Variants in FSHR observed in about 807,000 individuals in gnomAD.
The protein encoded by FSHR is follicle stimulating hormone receptor.
In FSHR, 46 loss-of-function variants were observed where a neutral mutation model predicts 52.1. The ratio of observed to expected loss-of-function variants is 0.88; its 90% CI spans 0.70 to 1.13. The LOEUF (loss-of-function observed/expected upper bound fraction) is 1.13. Among genes scored for constraint, FSHR ranks in the 50% most tolerant of loss-of-function variants. FSHR has a pLI of 0.00. For missense variants in FSHR, 964 were observed against 834.6 expected (o/e 1.16, Z -1.91); for synonymous variants, 399 against 309.6 (o/e 1.29, Z -3.03).
chr2:49,144,274 G>A (rs1504181), intron 1 of FSHR, among the ~76,000 whole-genome samples: 42,127 of 151,968 alleles, frequency 0.28, 6,149 homozygotes, highest in East Asian at 0.47. Context: ...TTTGGCTGAG[G>A]TTCTTAAATC....
At chr2:49,089,706 A>C (rs1433244616) in intron 1 of FSHR, among the ~76,000 whole-genome samples, 1 of 152,176 alleles carries the variant, frequency 6.6e-6, no homozygotes, top group African/African-American at 2.4e-5. Context: ...TTACTCTAAG[A>C]ATGAGATATG....
chr2:49,056,061 T>A (rs1047437955), intron 2 of FSHR, among the ~76,000 whole-genome samples: 1 of 151,616 alleles, frequency 6.6e-6, no homozygotes. Context: ...TAATTAAAAA[T>A]AAGAGAGGAA....
rs779291542 is a variant in FSHR at position 48,962,933 on chromosome 2, T to C, written c.1888A>G (p.Thr630Ala). 8 of 1,614,108 alleles carry C rather than the reference T, an allele frequency of 5.0e-6. No homozygotes were observed. The highest frequency in any genetic ancestry group is 6.8e-6 in the Non-Finnish European group (8 of 1,180,024). Reference sequence around the variant, plus strand: ...AAGAAATCTCTGCGAAAGTTTTTGGTAAAGATGGCATAGAGGAAGGGGTTG... The same window carrying C: ...AAGAAATCTCTGCGAAAGTTTTTGGCAAAGATGGCATAGAGGAAGGGGTTG... ...CANPFLYAIF[T>A]KNFRRDFFIL... is the part of the protein sequence containing the mutation. The change falls in exon 10 of 10, where the codon ACC becomes GCC. Residue 630 changes from threonine (T) to alanine (A), a missense_variant. Physicochemically the swap from Thr to Ala is moderately conservative, Grantham distance 58. Transcript: ENST00000406846.
At chr2:49,093,647 T>G in intron 1 of FSHR, among the ~76,000 whole-genome samples, 1 of 148,420 alleles carries the variant, frequency 6.7e-6, no homozygotes. Context: ...CAGGCTGGAG[T>G]TCATTGGTAC....
intron 2 of FSHR, among the ~76,000 whole-genome samples, chr2:49,041,368 T>C (rs1668476387): frequency 6.6e-6 from 1 of 152,314 alleles, no homozygotes; most frequent in South Asian, 2.1e-4. Context: ...GCAAGCCTTT[T>C]TGCTTAGCCT....
At chr2:49,108,212 C>T (rs936659622) in intron 1 of FSHR, among the ~76,000 whole-genome samples, 10 of 152,218 alleles carry the variant, frequency 6.6e-5, no homozygotes, top group African/African-American at 1.4e-4. Context: ...TTTACACCAT[C>T]GAATCCCCTG....
chr2:48,980,926 A>G (rs1476466929), intron 8 of FSHR, among the ~76,000 whole-genome samples: 3 of 152,206 alleles, frequency 2.0e-5, no homozygotes, highest in Non-Finnish European at 4.4e-5. Flanking sequence ...TACAGGTCAC[A>G]TATATAAACA....
At chr2:49,087,072 T>TTTTTTG (rs1670424744) in intron 1 of FSHR, among the ~76,000 whole-genome samples, 1 of 134,612 alleles carries the variant, frequency 7.4e-6, no homozygotes, top group Non-Finnish European at 1.6e-5. Context: ...TGGGCAGGGT[T>TTTTTTG]TTTTTTTTTT....
intron 2 of FSHR, among the ~76,000 whole-genome samples, chr2:49,059,945 G>A (rs1035166940): frequency 6.6e-6 from 1 of 152,106 alleles, no homozygotes; most frequent in African/African-American, 2.4e-5. Flanking sequence ...GAATATGTTT[G>A]CCAAGTACTC....
chr2:49,046,117 G>T (rs1219930293), intron 2 of FSHR, among the ~76,000 whole-genome samples: 1 of 152,156 alleles, frequency 6.6e-6, no homozygotes, highest in African/African-American at 2.4e-5. Flanking sequence ...ACAAATACTT[G>T]TCCCAGCTGC....
chr2:49,021,831 T>TTTTCTCTCTCTCTC lies in FSHR; in HGVS notation c.225-1672_225-1671insGAGAGAGAGAGAAA, dbSNP rs760578631. ...ACATAAATAAGGGTGGGGTATGTGT[T>TTTTCTCTCTCTCTC]TCTCTCTCTCTCTCTCTCTCTCTCT... is the stretch of plus-strand genomic sequence containing the variant. On this transcript the variant is annotated intron_variant, in intron 2 of 9. Transcript: ENST00000406846. 2.2e-3 allele frequency among the ~76,000 whole-genome samples: 103 copies of TTTTCTCTCTCTCTC among 46,154 alleles called. 5 individuals are homozygous for TTTTCTCTCTCTCTC. The highest frequency in any genetic ancestry group is 2.9e-3 in the Non-Finnish European group (74 of 25,264). The allele number at this position is 46,154 out of a possible 152,430, so 30.3% of individuals were successfully genotyped here.
At chr2:49,149,911 C>T (rs1468245711) in intron 1 of FSHR, among the ~76,000 whole-genome samples, 3 of 152,054 alleles carry the variant, frequency 2.0e-5, no homozygotes, top group Non-Finnish European at 4.4e-5. Context: ...AATCCCAGGA[C>T]AGGTTTCCTT....
intron 1 of FSHR, among the ~76,000 whole-genome samples, chr2:49,148,046 G>T (rs1672931953): frequency 6.6e-6 from 1 of 151,892 alleles, no homozygotes; most frequent in Non-Finnish European, 1.5e-5. Flanking sequence ...AAAATTCAGG[G>T]TCTAGAATCT....
intron 2 of FSHR, among the ~76,000 whole-genome samples, chr2:49,037,766 G>T (rs994986895): frequency 5.9e-5 from 9 of 152,112 alleles, no homozygotes; most frequent in African/African-American, 2.2e-4. Flanking sequence ...TGTTAAATTG[G>T]AAAGACAAGT....
chr2:49,093,621 G>A (rs1027001467), intron 1 of FSHR, among the ~76,000 whole-genome samples: 12 of 141,840 alleles, frequency 8.5e-5, no homozygotes, highest in Admixed American at 2.9e-4. Flanking sequence ...TTGAGACGGA[G>A]TCTTGCTCTG....
At chr2:49,015,571 T>A (rs927740942) in intron 4 of FSHR, among the ~76,000 whole-genome samples, 3 of 152,188 alleles carry the variant, frequency 2.0e-5, no homozygotes, top group Non-Finnish European at 4.4e-5. Flanking sequence ...GGAGTCAGGA[T>A]GAAGACCTAG....
At chr2:48,983,042 T>A in intron 7 of FSHR, 56 bp from the exon 8 acceptor site, 1 of 1,607,516 alleles carries the variant, frequency 6.2e-7, no homozygotes. Flanking sequence ...TAAATATTGC[T>A]GTTGTAAGAG....
At chr2:49,120,388 G>A (rs1671768812) in intron 1 of FSHR, among the ~76,000 whole-genome samples, 2 of 152,212 alleles carry the variant, frequency 1.3e-5, no homozygotes, top group African/African-American at 2.4e-5. Context: ...TGAGGAAAAT[G>A]TGTTATGTTT....
chr2:49,097,316 G>C (rs1029408693), intron 1 of FSHR, among the ~76,000 whole-genome samples: 1 of 152,000 alleles, frequency 6.6e-6, no homozygotes, highest in Non-Finnish European at 1.5e-5. Context: ...TTAGATATGA[G>C]AATTGTAGAA....
Sources: allele counts gnomAD v4.1 joint callset (sites outside exome capture counted in the v4.1 genomes callset), GRCh38; gene constraint gnomAD v4.1.1; transcripts MANE v1.5; gene names NCBI Gene and HGNC (gene_info 2026-07-23, HGNC 2026-07-21).